The following SLC39A14 variants were observed in gnomAD, a reference collection of about 807,000 sequenced individuals.
SLC39A14 encodes solute carrier family 39 member 14, also known as metal cation symporter ZIP14.
SLC39A14 carries 19 observed loss-of-function variants against 45.5 expected under a neutral mutation model. The ratio of observed to expected loss-of-function variants is 0.42; its 90% CI spans 0.29 to 0.61. The LOEUF (loss-of-function observed/expected upper bound fraction) is 0.61, where lower values mean the gene tolerates loss of function less well. Ranked by LOEUF, SLC39A14 falls within the 20% of genes least tolerant of loss-of-function variation. The pLI, the probability that SLC39A14 is intolerant of heterozygous loss-of-function variation, is 0.22. For synonymous variants in SLC39A14, 264 were observed against 251.3 expected (o/e 1.05, Z -0.48); for missense variants, 447 against 616.5 (o/e 0.73, Z 2.91).
At chr8:22,368,991 G>A (rs73541990) in intron 1 of SLC39A14, among the ~76,000 whole-genome samples, 211 of 152,278 alleles carry the variant, frequency 1.4e-3, no homozygotes, top group African/African-American at 5.0e-3. Flanking sequence ...CCTTGGTAAA[G>A]CAAGAGAAGG....
At chr8:22,397,999 C>T (rs1834607309) in intron 1 of SLC39A14, among the ~76,000 whole-genome samples, 1 of 152,074 alleles carries the variant, frequency 6.6e-6, no homozygotes, top group Admixed American at 6.5e-5. Flanking sequence ...TTTCTCTGTC[C>T]CTGAGGAATA....
At chr8:22,433,208 T>C (rs1836494428) in intron 8 of SLC39A14, among the ~76,000 whole-genome samples, 1 of 152,180 alleles carries the variant, frequency 6.6e-6, no homozygotes, top group African/African-American at 2.4e-5. Context: ...TGTTCACATT[T>C]TTTTCCTTGA....
At position 22,417,832 on chromosome 8, in the gene SLC39A14, T is replaced by C; in HGVS notation, c.1329T>C (p.Asp443=). The C allele has an allele frequency of 1.2e-6, 2 of 1,613,570 alleles. No homozygotes were observed. Among genetic ancestry groups the C allele is most frequent in the South Asian group, 1.1e-5 (1 of 91,068 alleles). Residue 443 remains aspartate (D), a synonymous_variant, in exon 8 of 9, where the codon GAT becomes GAC. Transcript: ENST00000381237. ...GGMFLYISLA[D]MFPEMNEVCQ... ...TGTTCTTGTATATTTCTCTGGCTGATATGGTAAGTGTTCCACAGTTCACTG... is the reference window on the plus strand; with the variant it reads ...TGTTCTTGTATATTTCTCTGGCTGACATGGTAAGTGTTCCACAGTTCACTG...
chr8:22,382,176 G>T (rs918306470), intron 1 of SLC39A14, among the ~76,000 whole-genome samples: 2 of 151,902 alleles, frequency 1.3e-5, no homozygotes, highest in African/African-American at 4.8e-5. Context: ...GCAAAGAAGA[G>T]TAACAGGTAA....
chr8:22,405,698 A>G (rs193137634), intron 2 of SLC39A14, among the ~76,000 whole-genome samples: 1 of 152,298 alleles, frequency 6.6e-6, no homozygotes, highest in Admixed American at 6.5e-5. Context: ...CAGTCCCTCA[A>G]GGTGCAGGTG....
At chr8:22,416,374 T>C (rs1296363096) in intron 7 of SLC39A14, 94 bp downstream of exon 7, 11 of 1,017,486 alleles carry the variant, frequency 1.1e-5, no homozygotes, top group Non-Finnish European at 1.7e-5. Context: ...CTCCCTGTCT[T>C]CACAGTGCTT....
downstream of SLC39A14, among the ~76,000 whole-genome samples, chr8:22,423,812 C>CTCTCTCT (rs1554523073): frequency 2.5e-4 from 35 of 138,900 alleles, no homozygotes; most frequent in Admixed American, 3.5e-4. Flanking sequence ...CTCTCTCTCT[C>CTCTCTCT]ATCTATCTTC....
At chr8:22,403,114 C>T (rs58881454) in intron 1 of SLC39A14, among the ~76,000 whole-genome samples, 2 of 151,488 alleles carry the variant, frequency 1.3e-5, no homozygotes, top group African/African-American at 4.8e-5. Context: ...GTAGCTGGGA[C>T]TACAGGCGCC....
intron 2 of SLC39A14, 143 bp downstream of exon 2, chr8:22,405,123 G>A: frequency 1.4e-6 from 1 of 712,934 alleles, no homozygotes; most frequent in Non-Finnish European, 2.3e-6. Flanking sequence ...GAGTGGACAG[G>A]CTGATTCTTT....
In SLC39A14 at chr8:22,415,962, G is replaced by A. The variant is rs1414164788; in HGVS notation, c.939+5G>A. The A allele has an allele frequency of 3.1e-6, 5 of 1,601,486 alleles. No homozygotes were observed. Among genetic ancestry groups the A allele is most frequent in the Non-Finnish European group, 4.3e-6 (5 of 1,171,534 alleles). The stretch of plus-strand genomic sequence containing the variant: ...GTGGGCTCGCTCTCTGTGCAGGTCA[G>A]TGGGCCACCAGCTGCTTGGTGGAGC... On this transcript the variant is annotated splice_donor_5th_base_variant and intron_variant, in intron 6 of 8. Transcript: ENST00000381237.
In SLC39A14 at chr8:22,397,584, C is replaced by T. The variant is rs1245875183; in HGVS notation, c.-15-7112C>T. The stretch of plus-strand genomic sequence containing the variant: ...AAGAGCGGGCGAAAGAGCGAGACTC[C>T]GTCCCAAAAAAAAAAAAGAAAGACC... On this transcript the variant is annotated intron_variant, in intron 1 of 8. Coordinates refer to ENST00000381237, the MANE Select transcript of SLC39A14 (RefSeq NM_001128431.4). Among the ~76,000 whole-genome samples, 5 of 151,038 alleles carry T rather than the reference C, an allele frequency of 3.3e-5. 1 individual carries two copies. In the East Asian group the frequency reaches 7.8e-4, roughly 24 times the overall value.
chr8:22,414,991 G>T, intron 5 of SLC39A14, 89 bp downstream of exon 5: 1 of 1,433,426 alleles, frequency 7.0e-7, no homozygotes, highest in Non-Finnish European at 9.5e-7. Flanking sequence ...GGTGGTGATG[G>T]TCTTAGCCCA....
At chr8:22,382,353 A>G (rs1399265797) in intron 1 of SLC39A14, among the ~76,000 whole-genome samples, 1 of 152,192 alleles carries the variant, frequency 6.6e-6, no homozygotes, top group Non-Finnish European at 1.5e-5. Context: ...AGGCACTCAT[A>G]CACAGGTAGT....
At position 22,421,710 on chromosome 8, in the gene SLC39A14, A is replaced by T; in HGVS notation, c.*2012A>T. The T allele has an allele frequency of 1.0e-6, 1 of 984,770 alleles. No individual in the cohort carries two copies. The highest frequency in any genetic ancestry group is 1.2e-6 in the Non-Finnish European group (1 of 828,924). The allele number at this position is 984,770 out of a possible 1,614,324, so 61.0% of individuals were successfully genotyped here. A position where few individuals can be genotyped will look rare whatever the true frequency, so the allele number is the denominator to read the frequency against. ...TAACTCGCATTGATGTATTAAATTT[A>T]TAATTTTAGCATTCCCAATAGATCC... is the stretch of plus-strand genomic sequence containing the variant. On this transcript the variant is annotated 3_prime_UTR_variant, in exon 9 of 9. Transcript: ENST00000381237.
At chr8:22,397,332 A>T (rs779793481) in intron 1 of SLC39A14, among the ~76,000 whole-genome samples, 2 of 152,114 alleles carry the variant, frequency 1.3e-5, no homozygotes, top group African/African-American at 2.4e-5. Flanking sequence ...TAATCCCAGC[A>T]CTTTGGGAGG....
At chr8:22,374,578 G>GAC (rs1347419295) in intron 1 of SLC39A14, among the ~76,000 whole-genome samples, 5 of 129,730 alleles carry the variant, frequency 3.9e-5, no homozygotes, top group African/African-American at 1.6e-4. Flanking sequence ...GAGTGGCTGA[G>GAC]AGGGAGCAGC....
In SLC39A14 at chr8:22,417,755, C is replaced by G. The variant is rs1407039744; in HGVS notation, c.1252C>G (p.Leu418Val). The G allele has an allele frequency of 2.5e-6, 4 of 1,614,224 alleles. No homozygotes were observed. The Admixed American group carries it at 6.7e-5, about 27-fold the overall frequency. The change falls in exon 8 of 9, where the codon CTG becomes GTG. Residue 418 changes from leucine to valine, a missense_variant. Coordinates refer to ENST00000381237, the MANE Select transcript of SLC39A14 (RefSeq NM_001128431.4). Reference protein sequence around the residue: ...CCYLGLAFGILAGSHFSANWI... With the variant: ...CCYLGLAFGIVAGSHFSANWI... ...CTACCTGGGTCTGGCCTTTGGCATC[C>G]TGGCCGGCAGCCACTTCTCTGCCAA...
chr8:22,395,578 A>AT (rs1163124559), intron 1 of SLC39A14, among the ~76,000 whole-genome samples: 1 of 152,154 alleles, frequency 6.6e-6, no homozygotes, highest in Non-Finnish European at 1.5e-5. Flanking sequence ...GACTGGCAGA[A>AT]TTTTGTTCTG....
chr8:22,418,469 C>T (rs757780706), intron 8 of SLC39A14, among the ~76,000 whole-genome samples: 44 of 151,994 alleles, frequency 2.9e-4, no homozygotes, highest in Non-Finnish European at 5.4e-4. Context: ...TCATACTACC[C>T]CTAAAACAAT....
Sources: gnomAD v4.1 joint callset for allele counts (sites outside exome capture counted in the v4.1 genomes callset) on GRCh38, gnomAD v4.1.1 for gene constraint, MANE v1.5 for transcripts, NCBI Gene and HGNC (gene_info 2026-07-23, HGNC 2026-07-21) for gene names.